Variants in RASGRF1 observed in about 807,000 individuals in gnomAD.
The protein encoded by RASGRF1 is ras-specific guanine nucleotide-releasing factor 1.
A neutral mutation model predicts 138.7 loss-of-function variants in RASGRF1; 40 were observed. The ratio of observed to expected loss-of-function variants is 0.29; its 90% confidence interval spans 0.22 to 0.38. The LOEUF (loss-of-function observed/expected upper bound fraction) is 0.38. RASGRF1 is among the 10% of genes least tolerant of loss of function. RASGRF1 has a pLI of 1.00. For synonymous variants in RASGRF1, 614 were observed against 663.2 expected (o/e 0.93, Z 1.14); for missense variants, 1,108 against 1,650.4 (o/e 0.67, Z 5.69).
chr15:79,003,411 C>T (rs527265534), intron 15 of RASGRF1, among the ~76,000 whole-genome samples: 9 of 152,250 alleles, frequency 5.9e-5, no homozygotes, highest in Non-Finnish European at 1.2e-4. Context: ...GCAGGAGCTG[C>T]TGACGACCTC....
chr15:78,982,224 C>T (rs1276679603), intron 23 of RASGRF1, among the ~76,000 whole-genome samples: 1 of 152,132 alleles, frequency 6.6e-6, no homozygotes, highest in East Asian at 1.9e-4. Flanking sequence ...TCAGGAGGTC[C>T]CAGTGGCCAT....
Position 79,058,462 on chromosome 15 carries a change from C to T in RASGRF1, c.403G>A (p.Glu135Lys), listed in dbSNP as rs1466305811. Residue 135 changes from glutamate (E) to lysine (K), a missense_variant, in exon 3 of 27, where the codon GAG (glutamate) becomes AAG (lysine). Physicochemically the swap from Glu to Lys is moderately conservative, Grantham distance 56. Transcript: ENST00000558480. Reference protein sequence around the residue: ...AHASYRTLATEHEALMQKYLH... With the variant: ...AHASYRTLATKHEALMQKYLH... Reference sequence around the variant, plus strand: ...TATTTCTGCATTAATGCCTCATGCTCTGTGGCGAGGGTCCTGTAGCTGTGG... The same window carrying T: ...TATTTCTGCATTAATGCCTCATGCTTTGTGGCGAGGGTCCTGTAGCTGTGG... 2 of 1,614,088 alleles carry T rather than the reference C, an allele frequency of 1.2e-6. No homozygotes were observed. The highest frequency in any genetic ancestry group is 2.7e-5 in the African/African-American group (2 of 74,956).
Position 78,995,820 on chromosome 15 carries a change from C to A in RASGRF1, c.2967-20G>T. ...AGAGTCCTAGGCAGGAGCGAGAAGG[C>A]ACGGTGAGCCCCACTTCACGTTGCA... On this transcript the variant is annotated intron_variant, in intron 19 of 26. Transcript: ENST00000558480. 6.2e-7 allele frequency: 1 copy of A among 1,613,850 alleles called. No individual in the cohort carries two copies. The highest frequency in any genetic ancestry group is 1.1e-5 in the South Asian group (1 of 91,072).
rs866311794 is a variant in RASGRF1, at chr15:79,025,458, C to T, written c.1398G>A (p.Val466=). 4.3e-6 allele frequency: 7 copies of T among 1,612,928 alleles called. No homozygotes were observed. Among genetic ancestry groups the T allele is most frequent in the Middle Eastern group, 1.7e-4 (1 of 5,968 alleles). The change falls in exon 10 of 27, where the codon GTG becomes GTA. Residue 466 remains valine (V), a synonymous_variant. Transcript: ENST00000558480. ...TFVRQGSLIQ[V]PMSEKGKITR... ...TGATCTTGCCCTTTTCAGACATGGG[C>T]ACCTGAATGAGGGAACCTGTGGGTG...
rs1179677867 is a variant in RASGRF1 at position 79,090,318 on chromosome 15, G to A, written c.181C>T (p.Arg61Trp). ...TCCAGCAGGTAAAGCCCCGAGGGCC[G>A]CGAGCTCGAGTCGCTCTCGAAGTAG... ...LFYFESDSSS[R>W]PSGLYLLEGC... Residue 61 changes from arginine to tryptophan, a missense_variant, in exon 1 of 27, where the codon CGG (arginine) becomes TGG (tryptophan). By Grantham distance (101) the Arg-to-Trp change is moderately radical (BLOSUM62 -3). Coordinates refer to ENST00000558480, the MANE Select transcript of RASGRF1 (RefSeq NM_001145648.3). 1 of 1,613,844 alleles carries A rather than the reference G, an allele frequency of 6.2e-7. No individual in the cohort carries two copies.
chr15:79,032,151 T>C lies in RASGRF1; in HGVS notation c.1124A>G (p.Glu375Gly), dbSNP rs746815095. 1.2e-6 allele frequency: 2 copies of C among 1,613,974 alleles called. No homozygotes were observed. The highest frequency in any genetic ancestry group is 1.7e-6 in the Non-Finnish European group (2 of 1,179,918). The change falls in exon 7 of 27, where the codon GAG (glutamate) becomes GGG (glycine). Residue 375 changes from glutamate (E) to glycine (G), a missense_variant. Transcript: ENST00000558480. The surrounding 1 kb of genome is among the most constrained non-coding windows in gnomAD (Gnocchi z 4.5). The part of the protein sequence containing the change: ...AKPDCEERTL[E>G]TFLTYPMFQI... ...GAACATGGGGTAGGTGAGGAAGGTCTCCAGCGTCCTCTCCTCGCAGTCAGG... is the reference window on the plus strand; with the variant it reads ...GAACATGGGGTAGGTGAGGAAGGTCCCCAGCGTCCTCTCCTCGCAGTCAGG...
chr15:78,969,471 C>G (rs1366510789), intron 26 of RASGRF1, among the ~76,000 whole-genome samples: 1 of 152,056 alleles, frequency 6.6e-6, no homozygotes, highest in Non-Finnish European at 1.5e-5. Context: ...GAGTTTGAGA[C>G]CAGCCTGACC....
chr15:78,998,956 C>A (rs190988571), intron 17 of RASGRF1, 131 bp from the exon 18 acceptor site: 1 of 681,476 alleles, frequency 1.5e-6, no homozygotes, highest in Non-Finnish European at 2.7e-6. Context: ...AGGGGGATAA[C>A]AACATGTTTA....
intron 24 of RASGRF1, among the ~76,000 whole-genome samples, chr15:78,976,506 G>A (rs2055873998): frequency 6.6e-6 from 1 of 152,132 alleles, no homozygotes; most frequent in Non-Finnish European, 1.5e-5. Flanking sequence ...GGTTGGACAA[G>A]CTTGCTCTAT....
intron 1 of RASGRF1, among the ~76,000 whole-genome samples, chr15:79,086,833 T>C (rs1267888334): frequency 6.6e-6 from 1 of 152,128 alleles, no homozygotes; most frequent in Admixed American, 6.6e-5. Flanking sequence ...GGGGACTCCA[T>C]GCCAAAGAAG....
intron 1 of RASGRF1, among the ~76,000 whole-genome samples, chr15:79,071,402 C>T (rs1215490030): frequency 1.3e-5 from 2 of 151,276 alleles, no homozygotes; most frequent in East Asian, 1.9e-4. Context: ...CTCTGTTGCC[C>T]AGGCTGGAGT....
At chr15:79,003,434 C>T (rs2056585542) in intron 15 of RASGRF1, among the ~76,000 whole-genome samples, 1 of 152,186 alleles carries the variant, frequency 6.6e-6, no homozygotes, top group African/African-American at 2.4e-5. Context: ...CTCTCCCGGG[C>T]CCTGAATGGG....
chr15:78,965,092 C>G (rs1442713933), intron 26 of RASGRF1, among the ~76,000 whole-genome samples: 1 of 152,112 alleles, frequency 6.6e-6, no homozygotes, highest in East Asian at 1.9e-4. Context: ...AGCCTTTTGC[C>G]TCAACTAAGT....
At chr15:78,998,862 T>C in intron 17 of RASGRF1, 37 bp from the exon 18 acceptor site, 1 of 1,529,482 alleles carries the variant, frequency 6.5e-7, no homozygotes, top group Non-Finnish European at 9.1e-7. Context: ...AGAGGACAGG[T>C]GAGGACAAGA....
intron 1 of RASGRF1, 29 bp from the exon 2 acceptor site, chr15:79,064,555 A>G (rs2057650906): frequency 6.3e-7 from 1 of 1,588,982 alleles, no homozygotes; most frequent in Non-Finnish European, 8.6e-7. Flanking sequence ...ATCTCCAATT[A>G]CCAGAGTGTC....
chr15:78,968,570 CACT>C (rs760483169), intron 26 of RASGRF1, among the ~76,000 whole-genome samples: 1 of 152,018 alleles, frequency 6.6e-6, no homozygotes, highest in African/African-American at 2.4e-5. Flanking sequence ...AGGCATGAGC[CACT>C]ACTCCCAGCT....
intron 22 of RASGRF1, 87 bp downstream of exon 22, chr15:78,990,102 A>G (rs141750297): frequency 0.013 from 14,564 of 1,104,596 alleles, 148 homozygotes; most frequent in Non-Finnish European, 0.016. Flanking sequence ...GGTTCCAGCC[A>G]GGTGTATAGC....
chr15:79,083,296 C>T (rs923024268), intron 1 of RASGRF1, among the ~76,000 whole-genome samples: 6 of 152,236 alleles, frequency 3.9e-5, no homozygotes, highest in African/African-American at 1.4e-4. Flanking sequence ...GTCGCCCTCA[C>T]GGAAGTGTTT....
At chr15:79,061,242 G>T (rs2057599783) in intron 2 of RASGRF1, among the ~76,000 whole-genome samples, 2 of 151,974 alleles carry the variant, frequency 1.3e-5, no homozygotes, top group African/African-American at 2.4e-5. Context: ...GAGGAGCTCA[G>T]CCCACTGACT....
Sources: gnomAD v4.1 joint callset for allele counts (sites outside exome capture counted in the v4.1 genomes callset) on GRCh38, gnomAD v4.1.1 for gene constraint, Gnocchi (gnomAD v3.1) non-coding constraint, MANE v1.5 for transcripts, NCBI Gene and HGNC (gene_info 2026-07-23, HGNC 2026-07-21) for gene names.